The following IBTK variants were observed in gnomAD, a reference collection of about 807,000 sequenced individuals.
The protein encoded by IBTK is BTK-binding protein.
IBTK carries 83 observed loss-of-function variants against 154.9 expected under a neutral mutation model. The ratio of observed to expected loss-of-function variants is 0.54; its 90% CI spans 0.45 to 0.64. The LOEUF (loss-of-function observed/expected upper bound fraction) is 0.64, where lower values mean the gene tolerates loss of function less well. Ranked by LOEUF, IBTK falls within the 30% of genes least tolerant of loss-of-function variation. The pLI is 0.00. For missense variants in IBTK, 1,332 were observed against 1,584.6 expected (o/e 0.84, Z 2.71); for synonymous variants, 515 against 536.1 (o/e 0.96, Z 0.54).
In IBTK at chr6:82,234,399, C is replaced by T. The variant is rs559421742; in HGVS notation, c.322-144G>A. The T allele has an allele frequency of 1.5e-4, 35 of 229,916 alleles. 1 individual carries two copies. The South Asian group carries it at 4.2e-3, about 28-fold the overall frequency. 14.2% of individuals were successfully genotyped at this position (229,916 alleles called of 1,614,324 possible). ...TGCCCAGGCTGGAGTGATGCAATGG[C>T]GCAATCTTGGCTCACCGCAACCTCC... On this transcript the variant is annotated intron_variant, in intron 2 of 28. Coordinates refer to ENST00000306270, the MANE Select transcript of IBTK (RefSeq NM_015525.4).
At chr6:82,215,780 C>CAAAAAAA (rs59634766) in intron 11 of IBTK, among the ~76,000 whole-genome samples, 11 of 82,044 alleles carry the variant, frequency 1.3e-4, no homozygotes, top group Middle Eastern at 6.4e-3. Context: ...GACTCCATCT[C>CAAAAAAA]AAAAAAAAAA....
chr6:82,215,770 G>T lies in IBTK; in HGVS notation c.1601+306C>A, dbSNP rs1433719548. On this transcript the variant is annotated intron_variant, in intron 11 of 28. Transcript: ENST00000306270. ...CCACTTAGCCTGGGCAATAGAGCAAGACTCCATCTCAAAAAAAAAAAAAAA... is the reference window on the plus strand; with the variant it reads ...CCACTTAGCCTGGGCAATAGAGCAATACTCCATCTCAAAAAAAAAAAAAAA... 2.9e-5 allele frequency among the ~76,000 whole-genome samples: 3 copies of T among 103,754 alleles called. No homozygotes were observed. The Admixed American group carries it at 4.4e-4, about 15-fold the overall frequency. The allele number at this position is 103,754 out of a possible 152,430, so 68.1% of individuals were successfully genotyped here.
chr6:82,214,048 C>T (rs565322763), intron 12 of IBTK, among the ~76,000 whole-genome samples, 179 bp downstream of exon 12: 2 of 152,156 alleles, frequency 1.3e-5, no homozygotes, highest in Non-Finnish European at 2.9e-5. Context: ...CTCCGCCTCC[C>T]GGGTTCAGGC....
chr6:82,245,508 G>C (rs1771109167), intron 1 of IBTK, among the ~76,000 whole-genome samples: 1 of 152,010 alleles, frequency 6.6e-6, no homozygotes, highest in South Asian at 2.1e-4. Context: ...AGAGAGCCAA[G>C]ATCATGCAAC....
chr6:82,235,493 C>T (rs1048113271), intron 2 of IBTK, among the ~76,000 whole-genome samples: 2 of 152,004 alleles, frequency 1.3e-5, no homozygotes, highest in Non-Finnish European at 2.9e-5. Context: ...ACCTGGGAGG[C>T]TGAGGCAGAA....
intron 4 of IBTK, 82 bp downstream of exon 4, chr6:82,231,636 T>C (rs992712061): frequency 2.9e-5 from 30 of 1,035,278 alleles, no homozygotes; most frequent in African/African-American, 8.0e-5. Flanking sequence ...CAAAGTTATG[T>C]AATCCACATG....
rs752003720 is a variant in IBTK, at chr6:82,218,079, C to T, written c.1307G>A (p.Arg436His). Residue 436 changes from arginine (R) to histidine (H), a missense_variant, in exon 10 of 29, where the codon CGT (arginine) becomes CAT (histidine). Physicochemically the swap from Arg to His is conservative, Grantham distance 29 (BLOSUM62 0). This residue lies in a region of IBTK where 1,134 missense variants were observed against 1,274.7 expected (regional missense o/e 0.89). Coordinates refer to ENST00000306270, the MANE Select transcript of IBTK (RefSeq NM_015525.4). ...AGCAATATCAGAAATGAAGACCTGACGTGGATAGGCCCATCGACACTGCTT... is the reference window on the plus strand; with the variant it reads ...AGCAATATCAGAAATGAAGACCTGATGTGGATAGGCCCATCGACACTGCTT... Reference protein sequence around the residue: ...SLKQCRWAYPRQVFISDIALN... With the variant: ...SLKQCRWAYPHQVFISDIALN... The T allele has an allele frequency of 3.7e-6, 6 of 1,611,538 alleles. No homozygotes were observed. Among genetic ancestry groups the T allele is most frequent in the South Asian group, 2.2e-5 (2 of 90,688 alleles).
chr6:82,195,349 G>A (rs762904210), intron 22 of IBTK, among the ~76,000 whole-genome samples: 61 of 152,214 alleles, frequency 4.0e-4, no homozygotes, highest in Middle Eastern at 3.4e-3. Flanking sequence ...GCTGAAGTGG[G>A]TGGATTGCTT....
chr6:82,198,759 T>C (rs1282721327), intron 21 of IBTK, among the ~76,000 whole-genome samples: 3 of 152,120 alleles, frequency 2.0e-5, no homozygotes, highest in African/African-American at 7.2e-5. Context: ...CATACTGTAG[T>C]CTCATTATTT....
intron 22 of IBTK, 47 bp from the exon 23 acceptor site, chr6:82,194,689 GTAAC>G: frequency 1.5e-6 from 2 of 1,332,306 alleles, no homozygotes; most frequent in Non-Finnish European, 2.0e-6. Flanking sequence ...ACCTAGAACA[GTAAC>G]TAACACATAG....
chr6:82,182,001 G>A lies in IBTK; in HGVS notation c.3603C>T (p.Ser1201=). 1 of 1,603,396 alleles carries A rather than the reference G, an allele frequency of 6.2e-7. No individual in the cohort carries two copies. Among genetic ancestry groups the A allele is most frequent in the Non-Finnish European group, 8.5e-7 (1 of 1,177,798 alleles). The stretch of plus-strand genomic sequence containing the variant: ...CTAGTAAGAAATCCCGGAATGACTT[G>A]GATGAAACTGAATGCAGAGAAGATG... ...AWASSLHSVS[S]KSFRDFLLEE... is the part of the protein sequence containing the mutation. The change falls in exon 26 of 29, where the codon TCC becomes TCT. Residue 1201 remains serine (S), a synonymous_variant. Coordinates refer to ENST00000306270, the MANE Select transcript of IBTK (RefSeq NM_015525.4).
intron 4 of IBTK, among the ~76,000 whole-genome samples, chr6:82,231,377 T>C (rs900264679): frequency 7.2e-5 from 11 of 152,060 alleles, no homozygotes; most frequent in African/African-American, 2.7e-4. Flanking sequence ...CAAATTCACT[T>C]GAGAAACAGC....
intron 21 of IBTK, 99 bp downstream of exon 21, chr6:82,200,042 T>C: frequency 1.3e-6 from 1 of 761,064 alleles, no homozygotes; most frequent in Non-Finnish European, 2.2e-6. Flanking sequence ...TTTTGGTACC[T>C]CCATAAGGAC....
At chr6:82,194,880 T>C (rs1768922011) in intron 22 of IBTK, among the ~76,000 whole-genome samples, 1 of 152,176 alleles carries the variant, frequency 6.6e-6, no homozygotes, top group African/African-American at 2.4e-5. Flanking sequence ...TTAGGGAAAC[T>C]AGTTTGCATA....
chr6:82,231,630 G>T, intron 4 of IBTK, 88 bp downstream of exon 4: 1 of 977,166 alleles, frequency 1.0e-6, no homozygotes, highest in Non-Finnish European at 1.5e-6. Flanking sequence ...CTGAAACAAA[G>T]TTATGTAATC....
Position 82,182,027 on chromosome 6 carries a change from C to A in IBTK, c.3577G>T (p.Ala1193Ser). ...GATGAAACTGAATGCAGAGAAGATGCCCTGCAAAAGAAAGCAAAGATCATG... is the reference window on the plus strand; with the variant it reads ...GATGAAACTGAATGCAGAGAAGATGACCTGCAAAAGAAAGCAAAGATCATG... ...SKAPKPVNAW[A>S]SSLHSVSSKS... The change falls in exon 26 of 29, where the codon GCA (alanine) becomes TCA (serine). Residue 1193 changes from alanine (A) to serine (S), a missense_variant and splice_region_variant. This residue lies in a region of IBTK where 1,134 missense variants were observed against 1,274.7 expected (regional missense o/e 0.89). Transcript: ENST00000306270. 2.5e-6 allele frequency: 4 copies of A among 1,590,408 alleles called. No individual in the cohort carries two copies. The highest frequency in any genetic ancestry group is 3.4e-6 in the Non-Finnish European group (4 of 1,175,016).
chr6:82,225,925 T>C (rs1770280167), intron 5 of IBTK, among the ~76,000 whole-genome samples: 1 of 152,174 alleles, frequency 6.6e-6, no homozygotes, highest in South Asian at 2.1e-4. Context: ...GCAAATTTGT[T>C]TGGTATGAAT....
Position 82,216,071 on chromosome 6 carries a change from T to C in IBTK, c.1601+5A>G, listed in dbSNP as rs745968896. ...AAAAATGAAATTTAATATATACAAGTATACCTTGTTTTAGGATCTGACTGC... is the reference window on the plus strand; with the variant it reads ...AAAAATGAAATTTAATATATACAAGCATACCTTGTTTTAGGATCTGACTGC... On this transcript the variant is annotated splice_donor_5th_base_variant and intron_variant, in intron 11 of 28. Transcript: ENST00000306270. 2 of 1,594,030 alleles carry C rather than the reference T, an allele frequency of 1.3e-6. No homozygotes were observed. Among genetic ancestry groups the C allele is most frequent in the Admixed American group, 1.8e-5 (1 of 56,612 alleles).
rs781353943 is a variant in IBTK at position 82,181,894 on chromosome 6, G to A, written c.3710C>T (p.Ala1237Val). Reference sequence around the variant, plus strand: ...GTTTTATTACCTGACAATTTTTGGTGCCTGAGAATTTTCAATTCCTTTAAA... The same window carrying A: ...GTTTTATTACCTGACAATTTTTGGTACCTGAGAATTTTCAATTCCTTTAAA... ...VSFKGIENSQ[A>V]PKIVRCSTHG... is the part of the protein sequence containing the mutation. The change falls in exon 26 of 29, where the codon GCA (alanine) becomes GTA (valine). Residue 1237 changes from alanine to valine, a missense_variant. By Grantham distance (64) the Ala-to-Val change is moderately conservative. Transcript: ENST00000306270. 1.3e-6 allele frequency: 2 copies of A among 1,578,008 alleles called. No homozygotes were observed. The highest frequency in any genetic ancestry group is 1.4e-5 in the African/African-American group (1 of 72,566).
Sources: allele counts gnomAD v4.1 joint callset (sites outside exome capture counted in the v4.1 genomes callset), GRCh38; gene constraint gnomAD v4.1.1; regional missense constraint gnomAD v4.1.1; transcripts MANE v1.5; gene names NCBI Gene and HGNC (gene_info 2026-07-23, HGNC 2026-07-21).